Variants in SLC15A1 observed in about 807,000 individuals in gnomAD.
The protein encoded by SLC15A1 is Caco-2 oligopeptide transporter.
Under a neutral mutation model 92.9 loss-of-function variants are expected in SLC15A1, and 83 were observed. That is an observed-to-expected ratio of 0.89 (90% CI 0.75 to 1.07). The LOEUF is 1.07. Among genes scored for constraint, SLC15A1 ranks in the 50% least tolerant of loss-of-function variants. The probability of loss-of-function intolerance (pLI) is 0.00; values close to 1 mark genes in which losing one functional copy is unlikely to be tolerated. For missense variants in SLC15A1, 857 were observed against 880.1 expected, an observed-to-expected ratio of 0.97 and a Z score of 0.33; for synonymous variants, 322 against 318.2, an observed-to-expected ratio of 1.01 and a Z score of -0.13.
chr13:98,747,034 C>T (rs535911643), intron 1 of SLC15A1, among the ~76,000 whole-genome samples: 38 of 152,170 alleles, frequency 2.5e-4, no homozygotes, highest in Non-Finnish European at 4.0e-4. Flanking sequence ...TGTGGCCCCC[C>T]CCACCCCGGC....
At chr13:98,690,510 T>C (rs2087966091) in intron 18 of SLC15A1, among the ~76,000 whole-genome samples, 1 of 152,202 alleles carries the variant, frequency 6.6e-6, no homozygotes, top group Non-Finnish European at 1.5e-5. Context: ...GAGGCCTGGC[T>C]TTATAACTTA....
chr13:98,719,638 A>T (rs2088238995), intron 7 of SLC15A1, among the ~76,000 whole-genome samples: 1 of 152,240 alleles, frequency 6.6e-6, no homozygotes, highest in Non-Finnish European at 1.5e-5. Context: ...TAACTTGATT[A>T]TATGGGACTC....
At chr13:98,724,608 A>G (rs528797856) in intron 4 of SLC15A1, among the ~76,000 whole-genome samples, 1 of 152,202 alleles carries the variant, frequency 6.6e-6, no homozygotes, top group African/African-American at 2.4e-5. Context: ...AGTAGCTAGG[A>G]CTACAGGGGC....
intron 1 of SLC15A1, among the ~76,000 whole-genome samples, chr13:98,730,060 C>G (rs2088334819): frequency 6.6e-6 from 1 of 151,800 alleles, no homozygotes; most frequent in Non-Finnish European, 1.5e-5. Context: ...CAAAAATTAG[C>G]TGGGCGTGGT....
intron 4 of SLC15A1, 71 bp from the exon 5 acceptor site, chr13:98,724,102 A>G: frequency 6.3e-7 from 1 of 1,585,720 alleles, no homozygotes; most frequent in Non-Finnish European, 8.6e-7. Flanking sequence ...TCCACCACAA[A>G]AGACCCCCTC....
At chr13:98,700,484 C>CAA (rs56342746) in intron 18 of SLC15A1, among the ~76,000 whole-genome samples, 10,006 of 50,682 alleles carry the variant, frequency 0.2, 1,439 homozygotes, top group East Asian at 0.29. Flanking sequence ...GACCCTGTCT[C>CAA]AAAAAAAAAA....
chr13:98,732,025 C>T (rs1208923498), intron 1 of SLC15A1, among the ~76,000 whole-genome samples: 1 of 152,228 alleles, frequency 6.6e-6, no homozygotes, highest in Non-Finnish European at 1.5e-5. Context: ...GGGTGTAACA[C>T]TGCAGTCAGC....
intron 14 of SLC15A1, among the ~76,000 whole-genome samples, chr13:98,709,267 C>T (rs1593990491): frequency 6.6e-6 from 1 of 152,262 alleles, no homozygotes; most frequent in East Asian, 1.9e-4. Context: ...CTGTGCCTGG[C>T]CTGTATATTT....
intron 1 of SLC15A1, among the ~76,000 whole-genome samples, chr13:98,736,130 G>A (rs1336204438): frequency 3.3e-5 from 5 of 152,132 alleles, no homozygotes; most frequent in African/African-American, 4.8e-5. Flanking sequence ...CATGGTACTG[G>A]TACCAAAACA....
chr13:98,747,218 C>T (rs1483410548), intron 1 of SLC15A1, among the ~76,000 whole-genome samples: 1 of 152,234 alleles, frequency 6.6e-6, no homozygotes, highest in African/African-American at 2.4e-5. Context: ...GCTGAGAATA[C>T]TGCTCTTTCT....
intron 8 of SLC15A1, among the ~76,000 whole-genome samples, chr13:98,718,939 G>A (rs2088232632): frequency 6.6e-6 from 1 of 152,162 alleles, no homozygotes; most frequent in African/African-American, 2.4e-5. Context: ...GGGCATGAGT[G>A]ACCATGCTGG....
chr13:98,702,629 T>C, intron 17 of SLC15A1, 100 bp from the exon 18 acceptor site: 2 of 974,124 alleles, frequency 2.1e-6, no homozygotes, highest in South Asian at 2.7e-5. Context: ...GTATTGACAC[T>C]TATCCTAGGA....
In SLC15A1 at chr13:98,684,545, C is replaced by CAAAA. The variant is rs4646233; in HGVS notation, c.*175_*178dup. 1.4e-3 allele frequency: 274 copies of CAAAA among 193,190 alleles called. No homozygotes were observed. Among genetic ancestry groups the CAAAA allele is most frequent in the South Asian group, 2.6e-3 (26 of 10,062 alleles). 12.0% of individuals were successfully genotyped at this position (193,190 alleles called of 1,614,324 possible). A position where few individuals can be genotyped will look rare whatever the true frequency, so the allele number is the denominator to read the frequency against. ...GGACAACAAGAGCAAAACTCTGTCT[C>CAAAA]AAAAAAAAAAAAAAAAAAAAAAAGA... On this transcript the variant is annotated 3_prime_UTR_variant, in exon 23 of 23. Coordinates refer to ENST00000376503, the MANE Select transcript of SLC15A1 (RefSeq NM_005073.4).
chr13:98,715,081 G>A (rs1309017679), intron 9 of SLC15A1, among the ~76,000 whole-genome samples: 1 of 152,198 alleles, frequency 6.6e-6, no homozygotes, highest in Non-Finnish European at 1.5e-5. Flanking sequence ...CTTCCTATTT[G>A]CAGCAATTTG....
intron 8 of SLC15A1, among the ~76,000 whole-genome samples, chr13:98,716,730 T>A (rs2088214177): frequency 6.6e-6 from 1 of 152,174 alleles, no homozygotes; most frequent in African/African-American, 2.4e-5. Flanking sequence ...TTAATCTTAA[T>A]CATATGTGGC....
rs553329704 is a variant in SLC15A1 at position 98,685,798 on chromosome 13, C to T, written c.1935+392G>A. ...GTCAAGAGATCGAGACCATCCTGGC[C>T]AACATGGTGAAACACTGTCTCTACT... On this transcript the variant is annotated intron_variant, in intron 22 of 22. Coordinates refer to ENST00000376503, the MANE Select transcript of SLC15A1 (RefSeq NM_005073.4). 8.5e-5 allele frequency among the ~76,000 whole-genome samples: 13 copies of T among 152,124 alleles called. No homozygotes were observed. In the South Asian group the frequency reaches 1.5e-3, roughly 17 times the overall value.
chr13:98,691,115 C>T (rs1216282270), intron 18 of SLC15A1, among the ~76,000 whole-genome samples: 3 of 152,056 alleles, frequency 2.0e-5, no homozygotes, highest in African/African-American at 7.2e-5. Flanking sequence ...GCGATCTCGG[C>T]TCACTGCAAC....
chr13:98,703,539 C>CTTTTTT lies in SLC15A1; in HGVS notation c.1416+744_1416+749dup, dbSNP rs771426478. On this transcript the variant is annotated intron_variant, in intron 17 of 22. Coordinates refer to ENST00000376503, the MANE Select transcript of SLC15A1 (RefSeq NM_005073.4). Reference sequence around the variant, plus strand: ...TATACCTTTGTAGCTGCTGCTGCTGCTTTTTTTTTTTTTTTTTTTTTTTTT... The same window carrying CTTTTTT: ...TATACCTTTGTAGCTGCTGCTGCTGCTTTTTTTTTTTTTTTTTTTTTTTTTTTTTTT... Among the ~76,000 whole-genome samples the CTTTTTT allele has an allele frequency of 5.1e-4, 44 of 85,530 alleles. 3 individuals carry two copies. The highest frequency in any genetic ancestry group is 8.6e-4 in the African/African-American group (13 of 15,196). 56.1% of individuals were successfully genotyped at this position (85,530 alleles called of 152,430 possible).
At chr13:98,708,826 A>C in intron 14 of SLC15A1, 59 bp from the exon 15 acceptor site, 1 of 1,225,910 alleles carries the variant, frequency 8.2e-7, no homozygotes, top group Non-Finnish European at 1.1e-6. Context: ...GCTAAGCTAA[A>C]CCCCCACCCC....
Sources: gnomAD v4.1 joint callset for allele counts (sites outside exome capture counted in the v4.1 genomes callset) on GRCh38, gnomAD v4.1.1 for gene constraint, MANE v1.5 for transcripts, NCBI Gene and HGNC (gene_info 2026-07-23, HGNC 2026-07-21) for gene names.